SLC47A1: variants seen among roughly 807,000 people sequenced by gnomAD.
SLC47A1 encodes the protein solute carrier family 47 member 1.
SLC47A1 carries 58 observed loss-of-function variants against 65.8 expected under a neutral mutation model. The observed-to-expected ratio is 0.88, with a 90% CI of 0.71 to 1.10. The LOEUF (loss-of-function observed/expected upper bound fraction) is 1.10. Ranked by LOEUF, SLC47A1 falls within the 50% of genes least tolerant of loss-of-function variation. The probability of loss-of-function intolerance (pLI) is 0.00; values close to 1 mark genes in which losing one functional copy is unlikely to be tolerated. For synonymous variants in SLC47A1, 285 were observed against 295.0 expected (o/e 0.97, Z 0.35); for missense variants, 706 against 719.2 (o/e 0.98, Z 0.21).
intron 10 of SLC47A1, 32 bp downstream of exon 10, chr17:19,556,094 C>T (rs1916601858): frequency 1.2e-6 from 2 of 1,611,262 alleles, no homozygotes; most frequent in Admixed American, 3.3e-5. Flanking sequence ...GGGGAGGTGC[C>T]AGGCGTTTTC....
rs2084360472 is a variant in SLC47A1 at position 19,566,702 on chromosome 17, G to A, written c.1107-88G>A. On this transcript the variant is annotated intron_variant, in intron 12 of 16. Transcript: ENST00000270570. The stretch of plus-strand genomic sequence containing the variant: ...AGCCTCCCAAAGTGCTGAGATTACA[G>A]GCATGAGCCACTGCGCCTAGCCAGA... 4.0e-6 allele frequency: 5 copies of A among 1,246,166 alleles called. No homozygotes were observed. In the South Asian group the frequency reaches 6.3e-5, roughly 16 times the overall value. The allele number at this position is 1,246,166 out of a possible 1,614,324, so 77.2% of individuals were successfully genotyped here.
chr17:19,576,636 C>T lies in SLC47A1; in HGVS notation c.1487-691C>T, dbSNP rs148160521. 1.4e-4 allele frequency among the ~76,000 whole-genome samples: 22 copies of T among 152,188 alleles called. No homozygotes were observed. In the East Asian group the frequency reaches 3.5e-3, roughly 24 times the overall value. On this transcript the variant is annotated intron_variant, in intron 16 of 16. Transcript: ENST00000270570. Reference sequence around the variant, plus strand: ...TGTTGGAATTACGGGCGTGAGCCATCGCACCCAGACTTGAATTATTTCTTA... The same window carrying T: ...TGTTGGAATTACGGGCGTGAGCCATTGCACCCAGACTTGAATTATTTCTTA...
At chr17:19,557,227 T>A (rs1009016396) in intron 10 of SLC47A1, 5 of 159,876 alleles carry the variant, frequency 3.1e-5, no homozygotes, top group African/African-American at 4.8e-5. Flanking sequence ...GAGTACACAT[T>A]TTCTGTTTTG....
rs1431070671 is a variant in SLC47A1 at position 19,572,775 on chromosome 17, T to TC, written c.1405-3dup. ...AAGCCTGATGGACTGAGTTTCATTT[T>TC]CCAGGCTCAGGTACACGCCAATTTG... is the stretch of plus-strand genomic sequence containing the variant. On this transcript the variant is annotated splice_polypyrimidine_tract_variant and splice_region_variant and intron_variant, in intron 15 of 16. Transcript: ENST00000270570. The TC allele has an allele frequency of 6.2e-7, 1 of 1,613,990 alleles. No homozygotes were observed.
chr17:19,557,833 T>C (rs1224256344), intron 10 of SLC47A1: 1 of 325,606 alleles, frequency 3.1e-6, no homozygotes, highest in African/African-American at 2.1e-5. Flanking sequence ...AAACTGTAAC[T>C]TTTGTTCTAG....
chr17:19,546,183 G>GC (rs1207819312), intron 2 of SLC47A1, among the ~76,000 whole-genome samples: 2 of 152,122 alleles, frequency 1.3e-5, no homozygotes, highest in Non-Finnish European at 2.9e-5. Context: ...TCGCGCCACT[G>GC]CACTCCAGCC....
chr17:19,569,350 G>A (rs764459882), intron 14 of SLC47A1, among the ~76,000 whole-genome samples: 5 of 147,040 alleles, frequency 3.4e-5, no homozygotes, highest in Admixed American at 6.8e-5. Context: ...CAGCCTGGGC[G>A]ACAGAGTGAG....
intron 1 of SLC47A1, among the ~76,000 whole-genome samples, chr17:19,540,010 C>T (rs1002850961): frequency 5.3e-5 from 8 of 152,134 alleles, no homozygotes; most frequent in Non-Finnish European, 1.0e-4. Flanking sequence ...AGGGTTGTTG[C>T]CGTAACCCTG....
At position 19,556,021 on chromosome 17, in the gene SLC47A1, G is replaced by T. The variant is rs563267554; in HGVS notation, c.880G>T (p.Ala294Ser). The T allele has an allele frequency of 1.3e-5, 21 of 1,614,152 alleles. No homozygotes were observed. Among genetic ancestry groups the T allele is most frequent in the Non-Finnish European group, 1.4e-5 (17 of 1,180,026 alleles). Reference protein sequence around the residue: ...SGILGMVELGAQSIVYELAII... With the variant: ...SGILGMVELGSQSIVYELAII... Reference sequence around the variant, plus strand: ...CATCCTCGGCATGGTGGAGCTGGGCGCTCAGTCCATCGTGTATGAACTGGC... The same window carrying T: ...CATCCTCGGCATGGTGGAGCTGGGCTCTCAGTCCATCGTGTATGAACTGGC... The change falls in exon 10 of 17, where the codon GCT (alanine) becomes TCT (serine). Residue 294 changes from alanine to serine, a missense_variant. By Grantham distance (99) the Ala-to-Ser change is moderately conservative. Coordinates refer to ENST00000270570, the MANE Select transcript of SLC47A1 (RefSeq NM_018242.3).
chr17:19,575,896 G>A (rs1309312270), intron 16 of SLC47A1, among the ~76,000 whole-genome samples: 1 of 152,134 alleles, frequency 6.6e-6, no homozygotes, highest in Non-Finnish European at 1.5e-5. Context: ...AAGAATCACA[G>A]TCATTACCCA....
chr17:19,561,356 A>G (rs533930253), intron 12 of SLC47A1, among the ~76,000 whole-genome samples: 1 of 152,144 alleles, frequency 6.6e-6, no homozygotes, highest in South Asian at 2.1e-4. Flanking sequence ...GCAAGATCAG[A>G]GGCTCGGCCG....
chr17:19,541,151 A>G (rs969989121), intron 1 of SLC47A1, among the ~76,000 whole-genome samples: 4 of 152,174 alleles, frequency 2.6e-5, no homozygotes, highest in Non-Finnish European at 5.9e-5. Flanking sequence ...CTCAGCACAG[A>G]GGACTCTGTT....
At chr17:19,573,409 G>C (rs890246275) in intron 16 of SLC47A1, among the ~76,000 whole-genome samples, 1 of 152,102 alleles carries the variant, frequency 6.6e-6, no homozygotes, top group Non-Finnish European at 1.5e-5. Context: ...CTTAGTCAGT[G>C]GTCAGTTGTG....
chr17:19,544,193 C>T (rs1916228611), intron 2 of SLC47A1, among the ~76,000 whole-genome samples: 2 of 152,304 alleles, frequency 1.3e-5, no homozygotes, highest in South Asian at 4.1e-4. Flanking sequence ...ATCTGCCCTC[C>T]TCAGCTTCCT....
chr17:19,573,760 T>G (rs1374788228), intron 16 of SLC47A1, among the ~76,000 whole-genome samples: 1 of 151,994 alleles, frequency 6.6e-6, no homozygotes, highest in Non-Finnish European at 1.5e-5. Context: ...AAGAATGTTG[T>G]CTATTTATCT....
intron 12 of SLC47A1, among the ~76,000 whole-genome samples, chr17:19,561,817 A>T (rs1287506470): frequency 6.6e-6 from 1 of 152,150 alleles, no homozygotes; most frequent in Non-Finnish European, 1.5e-5. Flanking sequence ...AGTACGATTA[A>T]TTACATTTTC....
At position 19,572,668 on chromosome 17, in the gene SLC47A1, G is replaced by T; in HGVS notation, c.1405-112G>T. 3.3e-6 allele frequency: 3 copies of T among 914,802 alleles called. No individual in the cohort carries two copies. The South Asian group carries it at 4.2e-5, about 13-fold the overall frequency. The allele number at this position is 914,802 out of a possible 1,614,324, so 56.7% of individuals were successfully genotyped here. A position where few individuals can be genotyped will look rare whatever the true frequency, so the allele number is the denominator to read the frequency against. ...TGACCTGTGAATGAGAGGAACTTCA[G>T]CTATACATGCCAATTAAGGAAAATG... On this transcript the variant is annotated intron_variant, in intron 15 of 16. Coordinates refer to ENST00000270570, the MANE Select transcript of SLC47A1 (RefSeq NM_018242.3).
intron 16 of SLC47A1, among the ~76,000 whole-genome samples, 186 bp downstream of exon 16, chr17:19,573,047 G>A (rs1253422392): frequency 6.6e-6 from 1 of 152,194 alleles, no homozygotes; most frequent in Non-Finnish European, 1.5e-5. Flanking sequence ...CCACACATTA[G>A]TAAACCGCTA....
rs1916570194 is a variant in SLC47A1 at position 19,555,291 on chromosome 17, A to T, written c.623A>T (p.Gln208Leu). Residue 208 changes from glutamine (Q) to leucine (L), a missense_variant, in exon 7 of 17, where the codon CAA becomes CTA. Coordinates refer to ENST00000270570, the MANE Select transcript of SLC47A1 (RefSeq NM_018242.3). The part of the protein sequence containing the change: ...NALANYLFLH[Q>L]LHLGVIGSAL... ...CTCGCCAACTATCTGTTTCTCCATC[A>T]ACTGCATCTTGGGGTGATGTGAGTC... The T allele has an allele frequency of 6.2e-7, 1 of 1,614,154 alleles. No homozygotes were observed. Among genetic ancestry groups the T allele is most frequent in the Admixed American group, 1.7e-5 (1 of 60,018 alleles).
Sources: gnomAD v4.1 joint callset for allele counts (sites outside exome capture counted in the v4.1 genomes callset) on GRCh38, gnomAD v4.1.1 for gene constraint, MANE v1.5 for transcripts, NCBI Gene and HGNC (gene_info 2026-07-23, HGNC 2026-07-21) for gene names.